CNTNAP2: variants seen among roughly 807,000 people sequenced by gnomAD.
CNTNAP2 encodes the protein contactin associated protein 2, also known as contactin-associated protein-like 2.
CNTNAP2 carries 98 observed loss-of-function variants against 155.2 expected under a neutral mutation model. The ratio of observed to expected loss-of-function variants is 0.63; its 90% CI spans 0.54 to 0.75. The LOEUF (loss-of-function observed/expected upper bound fraction) is 0.75. Ranked by LOEUF, CNTNAP2 falls within the 30% of genes least tolerant of loss-of-function variation. The probability of loss-of-function intolerance (pLI) is 0.00; values close to 1 mark genes in which losing one functional copy is unlikely to be tolerated. For synonymous variants in CNTNAP2, 651 were observed against 631.2 expected (o/e 1.03, Z -0.47); for missense variants, 1,727 against 1,688.1 (o/e 1.02, Z -0.40).
At chr7:146,310,059 T>A (rs1475163390) in intron 1 of CNTNAP2, among the ~76,000 whole-genome samples, 7 of 152,182 alleles carry the variant, frequency 4.6e-5, no homozygotes, top group Admixed American at 4.6e-4. Flanking sequence ...TTATATAATA[T>A]TGACAGTACT....
At chr7:146,862,526 A>G (rs1795123926) in intron 3 of CNTNAP2, among the ~76,000 whole-genome samples, 1 of 152,174 alleles carries the variant, frequency 6.6e-6, no homozygotes, top group Admixed American at 6.5e-5. Flanking sequence ...AATGACACTC[A>G]ATGCAAAATA....
At chr7:146,171,372 G>A (rs1229597950) in intron 1 of CNTNAP2, among the ~76,000 whole-genome samples, 1 of 151,844 alleles carries the variant, frequency 6.6e-6, no homozygotes. Context: ...TTATTTAGAG[G>A]TGCTGAAAGA....
At chr7:147,784,404 A>ATATG (rs1335591098) in intron 13 of CNTNAP2, among the ~76,000 whole-genome samples, 1 of 130,122 alleles carries the variant, frequency 7.7e-6, no homozygotes, top group Admixed American at 7.6e-5. Context: ...ATATATATAT[A>ATATG]TATGTAACAT....
intron 14 of CNTNAP2, among the ~76,000 whole-genome samples, chr7:147,960,359 G>A (rs1801095088): frequency 6.6e-6 from 1 of 152,114 alleles, no homozygotes; most frequent in African/African-American, 2.4e-5. Flanking sequence ...AAAATTTGAG[G>A]CAGCAAAATG....
intron 13 of CNTNAP2, among the ~76,000 whole-genome samples, chr7:147,794,786 AAT>A: frequency 6.6e-6 from 1 of 151,582 alleles, no homozygotes; most frequent in South Asian, 2.1e-4. Flanking sequence ...AAAGGCCGTT[AAT>A]ATATTCTATT....
chr7:146,483,282 AATAT>A lies in CNTNAP2; in HGVS notation c.98-290945_98-290942del, dbSNP rs200796835. 6.2e-3 allele frequency among the ~76,000 whole-genome samples: 245 copies of A among 39,808 alleles called. 1 individual carries two copies. The highest frequency in any genetic ancestry group is 9.5e-3 in the African/African-American group (107 of 11,206). The allele number at this position is 39,808 out of a possible 152,430, so 26.1% of individuals were successfully genotyped here. ...CAGAGCAAGACTCCGTCTAAAAAAA[AATAT>A]ATATATATATATATATATATATATA... On this transcript the variant is annotated intron_variant, in intron 1 of 23. Transcript: ENST00000361727.
At chr7:147,888,704 T>C (rs1163571761) in intron 13 of CNTNAP2, among the ~76,000 whole-genome samples, 1 of 151,438 alleles carries the variant, frequency 6.6e-6, no homozygotes, top group African/African-American at 2.4e-5. Context: ...TTCTTGACAA[T>C]GGAACCCTGA....
chr7:147,791,685 A>G (rs1437841956), intron 13 of CNTNAP2, among the ~76,000 whole-genome samples: 1 of 152,160 alleles, frequency 6.6e-6, no homozygotes, highest in African/African-American at 2.4e-5. Flanking sequence ...TGCCCCAGAC[A>G]TAAATGTGCC....
At chr7:147,876,655 G>A (rs1799424153) in intron 13 of CNTNAP2, among the ~76,000 whole-genome samples, 1 of 152,066 alleles carries the variant, frequency 6.6e-6, no homozygotes. Flanking sequence ...AGCAGTTAGG[G>A]GGAGTGATAT....
intron 8 of CNTNAP2, among the ~76,000 whole-genome samples, chr7:147,173,103 A>G (rs1049020269): frequency 2.6e-5 from 4 of 152,328 alleles, no homozygotes; most frequent in African/African-American, 9.6e-5. Flanking sequence ...CTCAAAAAGA[A>G]AGAACCATAC....
chr7:147,659,024 T>C (rs965582225), intron 13 of CNTNAP2, among the ~76,000 whole-genome samples: 3 of 152,190 alleles, frequency 2.0e-5, no homozygotes, highest in African/African-American at 7.2e-5. Flanking sequence ...ACAACAGAGA[T>C]GATTGCTTAA....
chr7:146,647,826 T>G (rs1439993396), intron 1 of CNTNAP2, among the ~76,000 whole-genome samples: 1 of 152,214 alleles, frequency 6.6e-6, no homozygotes, highest in East Asian at 1.9e-4. Flanking sequence ...AGAAATCTTT[T>G]ACTCTACTAA....
At chr7:146,618,871 A>G (rs1585009540) in intron 1 of CNTNAP2, among the ~76,000 whole-genome samples, 1 of 152,002 alleles carries the variant, frequency 6.6e-6, no homozygotes, top group African/African-American at 2.4e-5. Flanking sequence ...GGAGTTCAAG[A>G]CCAGCCTGGC....
Position 148,210,258 on chromosome 7 carries a change from T to A in CNTNAP2, c.3011-7030T>A, listed in dbSNP as rs367942160. Among the ~76,000 whole-genome samples, 4 of 152,312 alleles carry A rather than the reference T, an allele frequency of 2.6e-5. No individual in the cohort carries two copies. In the East Asian group the frequency reaches 7.7e-4, roughly 29 times the overall value. The stretch of plus-strand genomic sequence containing the variant: ...CGACTTTTGATTCTTGGCCTCCCCA[T>A]GTCCCACACTAATCCTTTATTATAT... On this transcript the variant is annotated intron_variant, in intron 18 of 23. Transcript: ENST00000361727.
At chr7:147,695,208 C>T (rs1180000035) in intron 13 of CNTNAP2, among the ~76,000 whole-genome samples, 1 of 152,130 alleles carries the variant, frequency 6.6e-6, no homozygotes, top group East Asian at 1.9e-4. Context: ...TGAGAGCAGA[C>T]ACTGTATGAT....
intron 4 of CNTNAP2, among the ~76,000 whole-genome samples, chr7:147,100,536 C>T (rs1175142174): frequency 3.9e-5 from 6 of 152,158 alleles, no homozygotes; most frequent in Admixed American, 6.5e-5. Context: ...TAAACTCATA[C>T]AGGAGTTCAA....
At chr7:147,155,781 T>C (rs573028732) in intron 8 of CNTNAP2, among the ~76,000 whole-genome samples, 1 of 152,226 alleles carries the variant, frequency 6.6e-6, no homozygotes, top group South Asian at 2.1e-4. Flanking sequence ...AGTAGTAGTA[T>C]ATATATTAGT....
chr7:146,885,928 G>GGT (rs36231370), intron 3 of CNTNAP2, among the ~76,000 whole-genome samples: 7,902 of 141,782 alleles, frequency 0.056, 266 homozygotes, highest in Non-Finnish European at 0.079. Context: ...TATGTAAGTC[G>GGT]GTGTGTGTGT....
chr7:147,020,301 A>C (rs1183831382), intron 3 of CNTNAP2, among the ~76,000 whole-genome samples: 1 of 152,158 alleles, frequency 6.6e-6, no homozygotes, highest in African/African-American at 2.4e-5. Context: ...TATAGACTTT[A>C]TTGAACTAGT....
Sources: gnomAD v4.1 joint callset for allele counts (sites outside exome capture counted in the v4.1 genomes callset) on GRCh38, gnomAD v4.1.1 for gene constraint, MANE v1.5 for transcripts, NCBI Gene and HGNC (gene_info 2026-07-23, HGNC 2026-07-21) for gene names.